The following SPIDR variants were observed in gnomAD, a reference collection of about 807,000 sequenced individuals.
The protein encoded by SPIDR is DNA repair-scaffolding protein.
In SPIDR, 93 loss-of-function variants were observed where a neutral mutation model predicts 104.6. That is an observed-to-expected ratio of 0.89 (90% CI 0.75 to 1.06). The LOEUF (loss-of-function observed/expected upper bound fraction) is 1.06, where lower values mean the gene tolerates loss of function less well. Ranked by LOEUF, SPIDR falls within the 50% of genes least tolerant of loss-of-function variation. SPIDR has a pLI of 0.00. For missense variants in SPIDR, 1,154 were observed against 1,111.2 expected (o/e 1.04, Z -0.55); for synonymous variants, 431 against 416.9 (o/e 1.03, Z -0.41).
chr8:47,303,334 G>A (rs971793522), intron 5 of SPIDR, among the ~76,000 whole-genome samples: 1 of 152,206 alleles, frequency 6.6e-6, no homozygotes, highest in East Asian at 1.9e-4. Context: ...TTTTCCAGGT[G>A]CTGTCTGTCA....
intron 8 of SPIDR, among the ~76,000 whole-genome samples, chr8:47,526,103 G>T (rs1163438473): frequency 1.2e-4 from 19 of 152,170 alleles, no homozygotes. Flanking sequence ...CTCTGAATTT[G>T]CGGAAGGGAC....
At chr8:47,427,164 A>C (rs1304160901) in intron 7 of SPIDR, among the ~76,000 whole-genome samples, 1 of 151,738 alleles carries the variant, frequency 6.6e-6, no homozygotes, top group African/African-American at 2.4e-5. Flanking sequence ...GGACACTTCT[A>C]ATGCTTTTAG....
intron 2 of SPIDR, among the ~76,000 whole-genome samples, chr8:47,282,584 G>C (rs1700005737): frequency 6.6e-6 from 1 of 152,208 alleles, no homozygotes; most frequent in Non-Finnish European, 1.5e-5. Context: ...AGAGAGTTAG[G>C]ACCTTGCTCT....
At chr8:47,661,935 T>C (rs1396833171) in intron 10 of SPIDR, among the ~76,000 whole-genome samples, 1 of 152,214 alleles carries the variant, frequency 6.6e-6, no homozygotes, top group Non-Finnish European at 1.5e-5. Flanking sequence ...TTCCCAGTTC[T>C]GTGTTAGTCA....
intron 10 of SPIDR, among the ~76,000 whole-genome samples, chr8:47,649,222 C>G (rs1171893926): frequency 1.3e-5 from 2 of 151,604 alleles, no homozygotes; most frequent in Non-Finnish European, 2.9e-5. Context: ...CCACTATACT[C>G]TAGCCTAGGC....
chr8:47,338,787 C>G (rs541447779), intron 5 of SPIDR, among the ~76,000 whole-genome samples: 1 of 152,158 alleles, frequency 6.6e-6, no homozygotes, highest in Non-Finnish European at 1.5e-5. Flanking sequence ...AAAGAGGCCT[C>G]ACAAAAAATT....
At chr8:47,297,256 G>A (rs2041023561) in intron 5 of SPIDR, among the ~76,000 whole-genome samples, 1 of 152,156 alleles carries the variant, frequency 6.6e-6, no homozygotes, top group South Asian at 2.1e-4. Flanking sequence ...TTGAATAGCA[G>A]TGGCAAGAGC....
chr8:47,427,548 G>A (rs575457375), intron 7 of SPIDR, among the ~76,000 whole-genome samples: 1 of 152,268 alleles, frequency 6.6e-6, no homozygotes, highest in South Asian at 2.1e-4. Context: ...CCTTGGACAA[G>A]ATTATCTGCC....
In SPIDR at chr8:47,307,515, A is replaced by G. The variant is rs190743742; in HGVS notation, c.525+13485A>G. On this transcript the variant is annotated intron_variant, in intron 5 of 19. Transcript: ENST00000297423. ...ATTACAGGTGTGAGCCACCGCACCC[A>G]GCCTCTTTTCTCATTTCGTTTTTTT... 7.8e-3 allele frequency among the ~76,000 whole-genome samples: 1,085 copies of G among 139,202 alleles called. 14 individuals are homozygous for G. The highest frequency in any genetic ancestry group is 0.028 in the African/African-American group (1,039 of 37,142). The allele number at this position is 139,202 out of a possible 152,430, so 91.3% of individuals were successfully genotyped here. A position where few individuals can be genotyped will look rare whatever the true frequency, so the allele number is the denominator to read the frequency against.
At chr8:47,627,776 G>A (rs1386568967) in intron 10 of SPIDR, among the ~76,000 whole-genome samples, 1 of 152,160 alleles carries the variant, frequency 6.6e-6, no homozygotes, top group Non-Finnish European at 1.5e-5. Context: ...AGACCCGCCG[G>A]TTCATTCACT....
At chr8:47,367,776 A>G (rs2057414200) in intron 5 of SPIDR, among the ~76,000 whole-genome samples, 1 of 152,194 alleles carries the variant, frequency 6.6e-6, no homozygotes, top group South Asian at 2.1e-4. Flanking sequence ...GCATTGTAGC[A>G]GATACTTGGT....
Position 47,677,950 on chromosome 8 carries a change from A to T in SPIDR, c.1685+4009A>T, listed in dbSNP as rs189879690. Among the ~76,000 whole-genome samples the T allele has an allele frequency of 2.1e-4, 32 of 151,992 alleles. 1 individual carries two copies. Among genetic ancestry groups the T allele is most frequent in the Admixed American group, 2.1e-3 (32 of 15,256 alleles). On this transcript the variant is annotated intron_variant, in intron 11 of 19. Transcript: ENST00000297423. ...CTGGGTGCAGTGGCTCTTGCCTGTAACCTAGCACTTTGGGATGCCAAGACG... is the reference window on the plus strand; with the variant it reads ...CTGGGTGCAGTGGCTCTTGCCTGTATCCTAGCACTTTGGGATGCCAAGACG...
At chr8:47,329,153 C>T (rs2048220811) in intron 5 of SPIDR, among the ~76,000 whole-genome samples, 1 of 151,962 alleles carries the variant, frequency 6.6e-6, no homozygotes, top group South Asian at 2.1e-4. Context: ...TCACTGCAAC[C>T]TCCGCCTCCT....
intron 7 of SPIDR, among the ~76,000 whole-genome samples, chr8:47,423,733 G>A (rs1028614553): frequency 2.6e-5 from 4 of 152,240 alleles, no homozygotes; most frequent in African/African-American, 9.6e-5. Flanking sequence ...GCAGGGCCTG[G>A]AGGCCTTGGC....
At chr8:47,640,643 A>G (rs2068712088) in intron 10 of SPIDR, among the ~76,000 whole-genome samples, 1 of 149,618 alleles carries the variant, frequency 6.7e-6, no homozygotes. Flanking sequence ...TATGCTATGG[A>G]CTACAACCAT....
intron 11 of SPIDR, among the ~76,000 whole-genome samples, chr8:47,685,809 C>T (rs1055947631): frequency 6.6e-6 from 1 of 151,722 alleles, no homozygotes; most frequent in South Asian, 2.1e-4. Flanking sequence ...ACCTCGGCCT[C>T]CCAAAGTGCT....
At chr8:47,264,217 A>G (rs2033333647) in intron 1 of SPIDR, among the ~76,000 whole-genome samples, 1 of 152,204 alleles carries the variant, frequency 6.6e-6, no homozygotes, top group Non-Finnish European at 1.5e-5. Context: ...AATAGAATAG[A>G]AAGGACTGGG....
intron 11 of SPIDR, among the ~76,000 whole-genome samples, chr8:47,683,534 G>A (rs1178034423): frequency 6.6e-6 from 1 of 152,342 alleles, no homozygotes; most frequent in South Asian, 2.1e-4. Context: ...CCCAGTACAA[G>A]TTGAGCATCC....
intron 12 of SPIDR, 41 bp downstream of exon 12, chr8:47,700,531 C>G: frequency 6.2e-7 from 1 of 1,602,302 alleles, no homozygotes; most frequent in Non-Finnish European, 8.6e-7. Context: ...TCACAGACTA[C>G]TCCATGCCAG....
Sources: gnomAD v4.1 joint callset for allele counts (sites outside exome capture counted in the v4.1 genomes callset) on GRCh38, gnomAD v4.1.1 for gene constraint, MANE v1.5 for transcripts, NCBI Gene and HGNC (gene_info 2026-07-23, HGNC 2026-07-21) for gene names.